TRPC6: variants seen among roughly 807,000 people sequenced by gnomAD.
TRPC6 encodes transient receptor potential cation channel subfamily C member 6.
TRPC6 carries 55 observed loss-of-function variants against 90.7 expected under a neutral mutation model. The ratio of observed to expected loss-of-function variants is 0.61; its 90% CI spans 0.49 to 0.76. The LOEUF is 0.76. Among genes scored for constraint, TRPC6 ranks in the 30% least tolerant of loss-of-function variants. TRPC6 has a pLI of 0.00. For synonymous variants in TRPC6, 393 were observed against 393.0 expected (o/e 1.00, Z 0.00); for missense variants, 989 against 1,122.7 (o/e 0.88, Z 1.70).
At chr11:101,534,586 A>T (rs1860991656) in intron 1 of TRPC6, among the ~76,000 whole-genome samples, 1 of 152,154 alleles carries the variant, frequency 6.6e-6, no homozygotes, top group South Asian at 2.1e-4. Context: ...AGTTTATTAA[A>T]AAAAAAAACC....
intron 1 of TRPC6, among the ~76,000 whole-genome samples, chr11:101,526,628 C>T (rs538525594): frequency 1.3e-5 from 2 of 151,714 alleles, no homozygotes; most frequent in East Asian, 1.9e-4. Context: ...TTTGGGAGGC[C>T]GAGGCAGGCA....
chr11:101,524,013 G>T (rs760228775), intron 1 of TRPC6, among the ~76,000 whole-genome samples: 2 of 152,120 alleles, frequency 1.3e-5, no homozygotes, highest in Non-Finnish European at 2.9e-5. Context: ...CCTCTGAGAG[G>T]AATAGCCATT....
At chr11:101,516,584 C>T (rs761922290) in intron 1 of TRPC6, among the ~76,000 whole-genome samples, 5 of 152,148 alleles carry the variant, frequency 3.3e-5, no homozygotes, top group Non-Finnish European at 7.4e-5. Context: ...GTACTTAGCA[C>T]AAACTTGGTA....
At chr11:101,467,144 C>G (rs1464078072) in intron 10 of TRPC6, among the ~76,000 whole-genome samples, 1 of 152,194 alleles carries the variant, frequency 6.6e-6, no homozygotes, top group South Asian at 2.1e-4. Context: ...CAGAGCTGTT[C>G]CTATTCGGCC....
At chr11:101,509,290 G>A (rs1297713771) in intron 1 of TRPC6, among the ~76,000 whole-genome samples, 1 of 151,466 alleles carries the variant, frequency 6.6e-6, no homozygotes, top group African/African-American at 2.4e-5. Flanking sequence ...TTATAGATGG[G>A]GTCTCGCCAT....
At chr11:101,508,561 C>G (rs1227693095) in intron 1 of TRPC6, among the ~76,000 whole-genome samples, 1 of 152,140 alleles carries the variant, frequency 6.6e-6, no homozygotes, top group Non-Finnish European at 1.5e-5. Flanking sequence ...CTACTAACCT[C>G]TTTAGGCTTT....
At chr11:101,513,229 G>C (rs891916802) in intron 1 of TRPC6, among the ~76,000 whole-genome samples, 1 of 152,152 alleles carries the variant, frequency 6.6e-6, no homozygotes, top group African/African-American at 2.4e-5. Context: ...GCCTCTGATG[G>C]GCTGAACTCA....
chr11:101,466,917 G>A (rs1859160450), intron 10 of TRPC6, among the ~76,000 whole-genome samples: 1 of 152,192 alleles, frequency 6.6e-6, no homozygotes, highest in South Asian at 2.1e-4. Context: ...CACAGTATCT[G>A]GGTCAGAATG....
Position 101,574,751 on chromosome 11 carries a change from C to T in TRPC6, c.170+8583G>A, listed in dbSNP as rs141792199. Among the ~76,000 whole-genome samples, 1,066 of 152,142 alleles carry T rather than the reference C, an allele frequency of 7.0e-3. 7 individuals are homozygous for T. Among genetic ancestry groups the T allele is most frequent in the African/African-American group, 0.025 (1,019 of 41,492 alleles). On this transcript the variant is annotated intron_variant, in intron 1 of 12. Transcript: ENST00000344327. ...TTCAAGAAGGCTAACTCAGTAATAA[C>T]AAAAATGATTTTTATCTGTAACAGT... is the stretch of plus-strand genomic sequence containing the variant.
At position 101,467,841 on chromosome 11, in the gene TRPC6, T is replaced by C. The variant is rs1382885877; in HGVS notation, c.2484+1586A>G. On this transcript the variant is annotated intron_variant, in intron 10 of 12. Coordinates refer to ENST00000344327, the MANE Select transcript of TRPC6 (RefSeq NM_004621.6). Reference sequence around the variant, plus strand: ...AAGACTAAATGTGGCCTGAGGGCTATGGCTTGTTGACCCCCATACACTAGC... The same window carrying C: ...AAGACTAAATGTGGCCTGAGGGCTACGGCTTGTTGACCCCCATACACTAGC... Among the ~76,000 whole-genome samples the C allele has an allele frequency of 2.6e-5, 4 of 152,240 alleles. No homozygotes were observed. The East Asian group carries it at 7.7e-4, about 29-fold the overall frequency.
chr11:101,475,696 T>A (rs1036567338), intron 6 of TRPC6, among the ~76,000 whole-genome samples: 2 of 152,104 alleles, frequency 1.3e-5, no homozygotes, highest in African/African-American at 4.8e-5. Flanking sequence ...TGACTTTTTT[T>A]AGATTCCACA....
chr11:101,558,389 G>C (rs1275253322), intron 1 of TRPC6, among the ~76,000 whole-genome samples: 1 of 75,718 alleles, frequency 1.3e-5, no homozygotes, highest in Non-Finnish European at 2.6e-5. Flanking sequence ...ATGTATACAT[G>C]TATACATATA....
At chr11:101,545,995 A>G (rs537995893) in intron 1 of TRPC6, among the ~76,000 whole-genome samples, 70 of 150,408 alleles carry the variant, frequency 4.7e-4, no homozygotes, top group Non-Finnish European at 8.7e-4. Flanking sequence ...GAGTGAAGAT[A>G]AACTGAGTTC....
Position 101,471,792 on chromosome 11 carries a change from A to G in TRPC6, c.2205+345T>C, listed in dbSNP as rs546609896. Among the ~76,000 whole-genome samples, 11 of 152,358 alleles carry G rather than the reference A, an allele frequency of 7.2e-5. No individual in the cohort carries two copies. In the East Asian group the frequency reaches 2.1e-3, roughly 29 times the overall value. ...ACTTGAGAAAAGGTCAATTTTGAAT[A>G]TCACTCAAAAAAGACTTGGAGAATG... On this transcript the variant is annotated intron_variant, in intron 8 of 12. Transcript: ENST00000344327.
intron 1 of TRPC6, among the ~76,000 whole-genome samples, chr11:101,508,490 ACAT>A (rs1258787862): frequency 9.2e-5 from 14 of 152,042 alleles, no homozygotes; most frequent in Admixed American, 9.2e-4. Context: ...ACATGAGGAA[ACAT>A]CATCTTCCTA....
At chr11:101,480,497 T>C (rs1343717803) in intron 5 of TRPC6, among the ~76,000 whole-genome samples, 1 of 152,042 alleles carries the variant, frequency 6.6e-6, no homozygotes, top group Non-Finnish European at 1.5e-5. Context: ...ATATAAAATA[T>C]AATATGTTCA....
At chr11:101,488,872 A>C in intron 4 of TRPC6, 65 bp downstream of exon 4, 1 of 1,586,786 alleles carries the variant, frequency 6.3e-7, no homozygotes, top group Non-Finnish European at 8.6e-7. Context: ...CTTTGGAGAT[A>C]AGATTTTTCC....
intron 2 of TRPC6, among the ~76,000 whole-genome samples, chr11:101,494,018 T>C (rs1216386487): frequency 6.6e-6 from 1 of 152,188 alleles, no homozygotes; most frequent in Admixed American, 6.5e-5. Flanking sequence ...GTGTCTTACC[T>C]GAGAATGGCT....
intron 10 of TRPC6, among the ~76,000 whole-genome samples, chr11:101,463,122 CG>C (rs1859048005): frequency 6.6e-6 from 1 of 152,040 alleles, no homozygotes; most frequent in African/African-American, 2.4e-5. Context: ...TATCGATTTG[CG>C]TATGTTGAAC....
Sources: allele counts gnomAD v4.1 joint callset (sites outside exome capture counted in the v4.1 genomes callset), GRCh38; gene constraint gnomAD v4.1.1; transcripts MANE v1.5; gene names NCBI Gene and HGNC (gene_info 2026-07-23, HGNC 2026-07-21).